CORIN: variants seen among roughly 807,000 people sequenced by gnomAD.
CORIN encodes the protein corin, serine peptidase.
In CORIN, 117 loss-of-function variants were observed where a neutral mutation model predicts 125.3. That is an observed-to-expected ratio of 0.93 (90% CI 0.80 to 1.09). The LOEUF is 1.09. Among genes scored for constraint, CORIN ranks in the 50% least tolerant of loss-of-function variants. CORIN has a pLI of 0.00. For synonymous variants in CORIN, 450 were observed against 466.4 expected, an observed-to-expected ratio of 0.96 and a Z score of 0.45; for missense variants, 1,253 against 1,306.7, an observed-to-expected ratio of 0.96 and a Z score of 0.63.
chr4:47,811,537 T>TG (rs542946749), intron 1 of CORIN, among the ~76,000 whole-genome samples: 1 of 152,272 alleles, frequency 6.6e-6, no homozygotes, highest in Non-Finnish European at 1.5e-5. Context: ...AGGTTCTAGC[T>TG]GGGGGGTGCA....
At chr4:47,757,880 A>ATG (rs1387738834) in intron 4 of CORIN, among the ~76,000 whole-genome samples, 2 of 119,266 alleles carry the variant, frequency 1.7e-5, no homozygotes, top group South Asian at 2.4e-4. Flanking sequence ...ATATATATGT[A>ATG]TATATATATA....
chr4:47,782,589 C>A (rs574482703), intron 3 of CORIN, among the ~76,000 whole-genome samples: 60 of 152,142 alleles, frequency 3.9e-4, no homozygotes, highest in Middle Eastern at 6.8e-3. Flanking sequence ...AAAACTTGCA[C>A]GTGAATATTC....
At chr4:47,617,426 A>G (rs955329730) in intron 19 of CORIN, among the ~76,000 whole-genome samples, 1 of 152,230 alleles carries the variant, frequency 6.6e-6, no homozygotes, top group African/African-American at 2.4e-5. Context: ...CCCCCAAAAC[A>G]ATGGGATTGC....
chr4:47,606,059 A>G (rs1230019113), intron 19 of CORIN, among the ~76,000 whole-genome samples: 2 of 152,162 alleles, frequency 1.3e-5, no homozygotes, highest in African/African-American at 4.8e-5. Flanking sequence ...GTGAATAGAG[A>G]GATAGAGATA....
chr4:47,683,487 C>G (rs775290275), intron 7 of CORIN: 2 of 374,140 alleles, frequency 5.3e-6, no homozygotes, highest in Non-Finnish European at 9.7e-6. Context: ...CATTAACAAC[C>G]TTTACCAGTC....
At chr4:47,772,142 A>C (rs1164862579) in intron 3 of CORIN, among the ~76,000 whole-genome samples, 3 of 151,602 alleles carry the variant, frequency 2.0e-5, no homozygotes, top group Non-Finnish European at 3.0e-5. Flanking sequence ...TCTCTATCTT[A>C]TTCCTAAACG....
intron 16 of CORIN, among the ~76,000 whole-genome samples, chr4:47,638,647 C>T (rs910640285): frequency 2.6e-5 from 4 of 152,176 alleles, no homozygotes; most frequent in Admixed American, 6.5e-5. Context: ...CCTTGCCTTC[C>T]ACCATGATTG....
At chr4:47,719,316 A>G (rs1305980240) in intron 5 of CORIN, among the ~76,000 whole-genome samples, 1 of 152,034 alleles carries the variant, frequency 6.6e-6, no homozygotes, top group African/African-American at 2.4e-5. Context: ...ATTTTGCCTT[A>G]TTTGTTCCTC....
chr4:47,782,269 C>T (rs1427860998), intron 3 of CORIN, among the ~76,000 whole-genome samples: 2 of 151,700 alleles, frequency 1.3e-5, no homozygotes, highest in Non-Finnish European at 2.9e-5. Context: ...CTTGTAATCC[C>T]AGCTACTCAG....
At chr4:47,686,658 C>T (rs1030744302) in intron 6 of CORIN, among the ~76,000 whole-genome samples, 1 of 152,126 alleles carries the variant, frequency 6.6e-6, no homozygotes, top group Admixed American at 6.6e-5. Flanking sequence ...TTGTCTTAAT[C>T]TAAATTACTC....
rs554093287 is a variant in CORIN, at chr4:47,597,949, GA to G, written c.2947-2047del. On this transcript the variant is annotated intron_variant, in intron 21 of 21. Transcript: ENST00000273857. ...GAAAGAGGAGGTCAAAGGAATGAGT[GA>G]TGACTTCCAGGTGGAGAGGAATAAA... Among the ~76,000 whole-genome samples the G allele has an allele frequency of 5.6e-3, 856 of 152,300 alleles. 11 individuals are homozygous for G. Among genetic ancestry groups the G allele is most frequent in the African/African-American group, 0.02 (822 of 41,578 alleles).
intron 3 of CORIN, among the ~76,000 whole-genome samples, chr4:47,782,171 G>A (rs1297684995): frequency 6.6e-6 from 1 of 151,736 alleles, no homozygotes; most frequent in Non-Finnish European, 1.5e-5. Context: ...GATCACTTGA[G>A]GTCAGGAGTT....
chr4:47,647,695 A>G (rs1029626830), intron 13 of CORIN, among the ~76,000 whole-genome samples: 4 of 152,220 alleles, frequency 2.6e-5, no homozygotes, highest in Non-Finnish European at 5.9e-5. Flanking sequence ...CTCTACGGAG[A>G]AAGATCTGGA....
intron 9 of CORIN, among the ~76,000 whole-genome samples, chr4:47,676,275 T>C (rs1194131823): frequency 6.6e-6 from 1 of 152,176 alleles, no homozygotes; most frequent in Non-Finnish European, 1.5e-5. Context: ...CTGCCTTCTC[T>C]CATGGTCCTC....
intron 16 of CORIN, among the ~76,000 whole-genome samples, chr4:47,639,861 C>T (rs779828267): frequency 2.6e-5 from 4 of 152,156 alleles, no homozygotes; most frequent in East Asian, 1.9e-4. Flanking sequence ...CCATCATTCC[C>T]GGCATAGCCT....
At chr4:47,748,056 A>G (rs1326261901) in intron 4 of CORIN, among the ~76,000 whole-genome samples, 1 of 152,192 alleles carries the variant, frequency 6.6e-6, no homozygotes, top group African/African-American at 2.4e-5. Context: ...GTGTTTCCAA[A>G]TAGTTCTCTT....
chr4:47,793,803 G>T (rs1382188137), intron 2 of CORIN, among the ~76,000 whole-genome samples: 1 of 152,202 alleles, frequency 6.6e-6, no homozygotes, highest in Non-Finnish European at 1.5e-5. Flanking sequence ...GGGACTGATA[G>T]AGGTATAGGA....
At chr4:47,647,690 C>T (rs1259995484) in intron 13 of CORIN, among the ~76,000 whole-genome samples, 2 of 152,150 alleles carry the variant, frequency 1.3e-5, no homozygotes, top group Non-Finnish European at 2.9e-5. Flanking sequence ...CACAGCTCTA[C>T]GGAGAAAGAT....
chr4:47,623,754 G>A lies in CORIN; in HGVS notation c.2366-9C>T, dbSNP rs747125498. Reference sequence around the variant, plus strand: ...AGGGCGGCGCCCACAGTCTACCAAGGAGCAGAAGACACAGTTTGTGAGTTG... The same window carrying A: ...AGGGCGGCGCCCACAGTCTACCAAGAAGCAGAAGACACAGTTTGTGAGTTG... On this transcript the variant is annotated splice_polypyrimidine_tract_variant and intron_variant, in intron 18 of 21. Coordinates refer to ENST00000273857, the MANE Select transcript of CORIN (RefSeq NM_006587.4). 6.2e-6 allele frequency: 10 copies of A among 1,613,818 alleles called. No homozygotes were observed. In the East Asian group the frequency reaches 1.8e-4, roughly 29 times the overall value.
Sources: allele counts gnomAD v4.1 joint callset (sites outside exome capture counted in the v4.1 genomes callset), GRCh38; gene constraint gnomAD v4.1.1; transcripts MANE v1.5; gene names NCBI Gene and HGNC (gene_info 2026-07-23, HGNC 2026-07-21).